Variants in MAF observed in about 807,000 individuals in gnomAD.
The protein encoded by MAF is transcription factor Maf.
Under a neutral mutation model 22.0 loss-of-function variants are expected in MAF, and 10 were observed. That is an observed-to-expected ratio of 0.45 (90% confidence interval 0.28 to 0.77). MAF has a LOEUF of 0.77. Ranked by LOEUF, MAF falls within the 30% of genes least tolerant of loss-of-function variation. The pLI, the probability that MAF is intolerant of heterozygous loss-of-function variation, is 0.12. For missense variants in MAF, 544 were observed against 548.4 expected, an observed-to-expected ratio of 0.99 and a Z score of 0.08; for synonymous variants, 337 against 255.8, an observed-to-expected ratio of 1.32 and a Z score of -3.03.
At chr16:79,442,421 G>C in the MAF span, among the ~76,000 whole-genome samples, 112 of 152,126 alleles carry the variant, frequency 7.4e-4, no homozygotes, top group African/African-American at 2.6e-3. Context: ...GCCCAGGCTG[G>C]AATGTAGCAG....
the MAF span, among the ~76,000 whole-genome samples, chr16:79,231,794 G>T: frequency 6.6e-6 from 1 of 151,960 alleles, no homozygotes; most frequent in Non-Finnish European, 1.5e-5. Flanking sequence ...CATTTACGGT[G>T]AACTGTATTT....
chr16:79,327,959 C>G, the MAF span, among the ~76,000 whole-genome samples: 2 of 152,204 alleles, frequency 1.3e-5, no homozygotes, highest in African/African-American at 4.8e-5. Context: ...CTTAGCTTTG[C>G]TGTTTCCTTA....
chr16:79,548,674 T>C, the MAF span, among the ~76,000 whole-genome samples: 2 of 152,200 alleles, frequency 1.3e-5, no homozygotes, highest in African/African-American at 4.8e-5. Flanking sequence ...CCTTCTGCCT[T>C]CTTCAGAGCT....
At chr16:79,382,797 G>A in the MAF span, among the ~76,000 whole-genome samples, 1 of 152,202 alleles carries the variant, frequency 6.6e-6, no homozygotes, top group African/African-American at 2.4e-5. Context: ...CATTTATGTT[G>A]AGGTTTGGAG....
chr16:79,424,008 C>T, the MAF span, among the ~76,000 whole-genome samples: 1 of 152,098 alleles, frequency 6.6e-6, no homozygotes. Context: ...TAAATGAAAA[C>T]AGTTCTTATT....
the MAF span, among the ~76,000 whole-genome samples, chr16:79,398,576 T>A: frequency 6.6e-6 from 1 of 152,122 alleles, no homozygotes. Context: ...GAGATAGAAG[T>A]CTGATGGTAT....
intron 1 of MAF, chr16:79,597,138 T>A (rs919385735): frequency 3.8e-6 from 4 of 1,057,416 alleles, no homozygotes; most frequent in Middle Eastern, 4.2e-4. Context: ...ACAGTCCCCT[T>A]GCAAACTCTA....
the MAF span, among the ~76,000 whole-genome samples, chr16:79,280,204 C>T: frequency 9.8e-4 from 150 of 152,304 alleles, 1 homozygote; most frequent in Non-Finnish European, 5.3e-4. Context: ...GTTGGTTAAC[C>T]GGGCTTGCAG....
the MAF span, among the ~76,000 whole-genome samples, chr16:79,531,158 G>C: frequency 5.9e-5 from 9 of 152,158 alleles, no homozygotes; most frequent in Non-Finnish European, 7.3e-5. Flanking sequence ...TCTGTTGCTA[G>C]AGCTTGTATA....
At chr16:79,232,173 G>C in the MAF span, among the ~76,000 whole-genome samples, 2 of 152,008 alleles carry the variant, frequency 1.3e-5, no homozygotes, top group Non-Finnish European at 2.9e-5. Flanking sequence ...CCATGGATTG[G>C]TACCAATCTG....
At chr16:79,375,222 T>A in the MAF span, among the ~76,000 whole-genome samples, 1 of 152,234 alleles carries the variant, frequency 6.6e-6, no homozygotes, top group Non-Finnish European at 1.5e-5. Context: ...TCAAGTTGAA[T>A]AGAACATTTC....
the MAF span, among the ~76,000 whole-genome samples, chr16:79,251,801 A>G: frequency 9.2e-5 from 14 of 152,198 alleles, no homozygotes; most frequent in African/African-American, 3.1e-4. Flanking sequence ...TCAGGTATCT[A>G]TTCTCCGATT....
chr16:79,289,575 C>T, the MAF span, among the ~76,000 whole-genome samples: 78 of 152,166 alleles, frequency 5.1e-4, 2 homozygotes, highest in African/African-American at 1.8e-3. Context: ...ATACTACGGG[C>T]GGATGAGTGT....
chr16:79,304,587 G>C, the MAF span, among the ~76,000 whole-genome samples: 9 of 152,136 alleles, frequency 5.9e-5, no homozygotes, highest in Non-Finnish European at 1.0e-4. Context: ...CAAAAGATAA[G>C]TCAGTGAGAG....
the MAF span, among the ~76,000 whole-genome samples, chr16:79,388,304 G>T: frequency 6.6e-6 from 1 of 150,558 alleles, no homozygotes; most frequent in Non-Finnish European, 1.5e-5. Context: ...TTTCTGGGCT[G>T]TTAAGATTTC....
chr16:79,262,271 G>A, the MAF span, among the ~76,000 whole-genome samples: 4 of 152,074 alleles, frequency 2.6e-5, no homozygotes, highest in African/African-American at 9.7e-5. Context: ...GTCACTGGAA[G>A]TCGAACTGGG....
downstream of MAF, among the ~76,000 whole-genome samples, chr16:79,590,122 C>A (rs966899473): frequency 6.6e-6 from 1 of 152,102 alleles, no homozygotes; most frequent in African/African-American, 2.4e-5. Flanking sequence ...CAGGCTCGGG[C>A]AGTGATGTCC....
At position 79,593,978 on chromosome 16, in the gene MAF, G is replaced by C. The variant is rs1399922255; in HGVS notation, c.*482C>G. 9.3e-6 allele frequency: 2 copies of C among 215,124 alleles called. No homozygotes were observed. The highest frequency in any genetic ancestry group is 4.6e-5 in the African/African-American group (2 of 43,736). The allele number at this position is 215,124 out of a possible 1,614,324, so 13.3% of individuals were successfully genotyped here. A position where few individuals can be genotyped will look rare whatever the true frequency, so the allele number is the denominator to read the frequency against. On this transcript the variant is annotated 3_prime_UTR_variant, in exon 2 of 2. Coordinates refer to ENST00000326043, the MANE Select transcript of MAF (RefSeq NM_005360.5). ...AACCAGGGGGCTCGGCTCCGCTGGA[G>C]CCTCTGCCCGTGGATTTGTTTAGGG... is the stretch of plus-strand genomic sequence containing the variant.
the MAF span, among the ~76,000 whole-genome samples, chr16:79,225,385 A>C: frequency 1.3e-5 from 2 of 152,116 alleles, no homozygotes; most frequent in Non-Finnish European, 2.9e-5. Flanking sequence ...AGACCTAAAC[A>C]TAAGACCTAA....
Sources: gnomAD v4.1 joint callset for allele counts (sites outside exome capture counted in the v4.1 genomes callset) on GRCh38, gnomAD v4.1.1 for gene constraint, MANE v1.5 for transcripts, NCBI Gene and HGNC (gene_info 2026-07-23, HGNC 2026-07-21) for gene names.